The following PCDH15 variants were observed in gnomAD, a reference collection of about 807,000 sequenced individuals.
The protein encoded by PCDH15 is protocadherin related 15.
PCDH15 carries 129 observed loss-of-function variants against 178.5 expected under a neutral mutation model. That is an observed-to-expected ratio of 0.72 (90% CI 0.63 to 0.84). The LOEUF (loss-of-function observed/expected upper bound fraction) is 0.84. Among genes scored for constraint, PCDH15 ranks in the 40% least tolerant of loss-of-function variants. The probability of loss-of-function intolerance (pLI) is 0.00; values close to 1 mark genes in which losing one functional copy is unlikely to be tolerated. For synonymous variants in PCDH15, 800 were observed against 732.0 expected, an observed-to-expected ratio of 1.09 and a Z score of -1.50; for missense variants, 2,230 against 2,099.9, an observed-to-expected ratio of 1.06 and a Z score of -1.21.
At chr10:55,052,333 G>A (rs1434797021) in intron 2 of PCDH15, among the ~76,000 whole-genome samples, 6 of 146 alleles carry the variant, frequency 0.041, no homozygotes, top group African/African-American at 0.19. Flanking sequence ...CTCGTGATCC[G>A]CCCACCGGCC....
At chr10:55,296,425 G>C (rs1048421582) in intron 1 of PCDH15, among the ~76,000 whole-genome samples, 1 of 152,106 alleles carries the variant, frequency 6.6e-6, no homozygotes, top group African/African-American at 2.4e-5. Flanking sequence ...CATAACCTTG[G>C]ATGTGGTTAA....
chr10:53,926,352 CAAT>C (rs1211838167), intron 25 of PCDH15, among the ~76,000 whole-genome samples: 2 of 152,146 alleles, frequency 1.3e-5, no homozygotes, highest in African/African-American at 4.8e-5. Flanking sequence ...ACAACAACAA[CAAT>C]AAAAACAGTA....
At chr10:55,245,617 T>C (rs958644332) in intron 1 of PCDH15, among the ~76,000 whole-genome samples, 4 of 152,094 alleles carry the variant, frequency 2.6e-5, no homozygotes, top group African/African-American at 9.7e-5. Flanking sequence ...AATGTTGGAG[T>C]ATTTCTGAAC....
chr10:54,986,758 G>A (rs1393681957), intron 2 of PCDH15, among the ~76,000 whole-genome samples: 1 of 152,016 alleles, frequency 6.6e-6, no homozygotes, highest in Non-Finnish European at 1.5e-5. Context: ...TGATGTGCCT[G>A]TGTAATGCAT....
chr10:55,283,843 G>GA (rs1318280756), intron 1 of PCDH15, among the ~76,000 whole-genome samples: 1 of 152,010 alleles, frequency 6.6e-6, no homozygotes, highest in Non-Finnish European at 1.5e-5. Flanking sequence ...AAACTAAGTG[G>GA]AAAAAGAAGA....
chr10:54,617,158 A>AG (rs35237011), intron 2 of PCDH15, among the ~76,000 whole-genome samples: 79,695 of 151,538 alleles, frequency 0.53, 21,206 homozygotes, highest in Non-Finnish European at 0.58. Flanking sequence ...GGCCTCCCAA[A>AG]TGCTGGGATT....
chr10:54,453,723 G>A (rs947294312), intron 3 of PCDH15, among the ~76,000 whole-genome samples: 11 of 151,722 alleles, frequency 7.3e-5, no homozygotes, highest in African/African-American at 2.7e-4. Context: ...CAAAGAAGAA[G>A]GTCATGCAAA....
At chr10:54,866,179 C>T (rs1013278075) in intron 3 of PCDH15, among the ~76,000 whole-genome samples, 1 of 152,186 alleles carries the variant, frequency 6.6e-6, no homozygotes, top group Non-Finnish European at 1.5e-5. Flanking sequence ...TAGTTTAGTT[C>T]ATGCGTTAAA....
chr10:54,134,935 G>T (rs766693144), intron 14 of PCDH15, among the ~76,000 whole-genome samples: 11 of 151,260 alleles, frequency 7.3e-5, no homozygotes, highest in Non-Finnish European at 1.2e-4. Flanking sequence ...GGTTGGGTGC[G>T]GTGGCTCATG....
chr10:54,965,521 T>C (rs1021662307), intron 2 of PCDH15, among the ~76,000 whole-genome samples: 2 of 151,866 alleles, frequency 1.3e-5, no homozygotes, highest in Non-Finnish European at 2.9e-5. Flanking sequence ...ATTAAAACTG[T>C]TTATAAATTA....
intron 2 of PCDH15, among the ~76,000 whole-genome samples, chr10:55,598,274 A>G (rs1032777328): frequency 3.3e-5 from 5 of 151,812 alleles, no homozygotes; most frequent in African/African-American, 1.2e-4. Flanking sequence ...AGGGACTTTA[A>G]TGTCCTGAGG....
intron 23 of PCDH15, among the ~76,000 whole-genome samples, chr10:53,945,207 C>T (rs919043442): frequency 6.6e-6 from 1 of 152,066 alleles, no homozygotes; most frequent in African/African-American, 2.4e-5. Flanking sequence ...GATAAAAATA[C>T]TGGCACAATG....
In PCDH15 at chr10:54,195,902, A is replaced by G. The variant is rs2133925974; in HGVS notation, c.1099-13T>C. 1 of 1,606,484 alleles carries G rather than the reference A, an allele frequency of 6.2e-7. No homozygotes were observed. Among genetic ancestry groups the G allele is most frequent in the South Asian group, 1.1e-5 (1 of 90,904 alleles). ...TGTCTTGTTCAGCCTAAAATTGAAA[A>G]GAAAAGAAAATATTTAGAAAGTATA... On this transcript the variant is annotated splice_polypyrimidine_tract_variant and intron_variant, in intron 10 of 37. Transcript: ENST00000644397.
At position 54,318,834 on chromosome 10, in the gene PCDH15, T is replaced by C. The variant is rs371431531; in HGVS notation, c.706-1393A>G. ...AAAAGTATATGATTAATATGACTTATCACTGTTGTTAACTTCATCACCTGG... is the reference window on the plus strand; with the variant it reads ...AAAAGTATATGATTAATATGACTTACCACTGTTGTTAACTTCATCACCTGG... On this transcript the variant is annotated intron_variant, in intron 7 of 37. Transcript: ENST00000644397. Among the ~76,000 whole-genome samples the C allele has an allele frequency of 3.0e-4, 45 of 152,340 alleles. No homozygotes were observed. In the South Asian group the frequency reaches 3.3e-3, roughly 11 times the overall value.
intron 7 of PCDH15, among the ~76,000 whole-genome samples, chr10:54,318,097 G>A (rs112091902): frequency 4.0e-4 from 61 of 152,238 alleles, no homozygotes; most frequent in African/African-American, 1.4e-3. Flanking sequence ...TCTTTTATAA[G>A]CTGCTTGTCA....
intron 8 of PCDH15, among the ~76,000 whole-genome samples, chr10:54,253,971 T>C (rs2056706750): frequency 6.6e-6 from 1 of 152,108 alleles, no homozygotes; most frequent in South Asian, 2.1e-4. Flanking sequence ...CATTTGTGCA[T>C]TAGCTTTAGG....
At chr10:54,813,392 C>T (rs1952897977) in intron 3 of PCDH15, among the ~76,000 whole-genome samples, 1 of 152,086 alleles carries the variant, frequency 6.6e-6, no homozygotes, top group Non-Finnish European at 1.5e-5. Flanking sequence ...AACAGATTTG[C>T]AATTCCCTTG....
intron 1 of PCDH15, among the ~76,000 whole-genome samples, chr10:55,287,790 G>A (rs541782533): frequency 9.2e-5 from 14 of 151,962 alleles, no homozygotes; most frequent in East Asian, 7.7e-4. Context: ...GTGCTTAGCC[G>A]TTAGGACATG....
At chr10:54,513,080 T>A (rs1380754292) in intron 3 of PCDH15, among the ~76,000 whole-genome samples, 3 of 152,008 alleles carry the variant, frequency 2.0e-5, no homozygotes, top group Non-Finnish European at 2.9e-5. Flanking sequence ...AGATTTTTCA[T>A]TTTATGAAAT....
Sources: gnomAD v4.1 joint callset for allele counts (sites outside exome capture counted in the v4.1 genomes callset) on GRCh38, gnomAD v4.1.1 for gene constraint, MANE v1.5 for transcripts, NCBI Gene and HGNC (gene_info 2026-07-23, HGNC 2026-07-21) for gene names.